Variants in ZNF804B observed in about 807,000 individuals in gnomAD.
ZNF804B encodes zinc finger protein 804B.
In ZNF804B, 80 loss-of-function variants were observed where a neutral mutation model predicts 101.4. The observed-to-expected ratio is 0.79, with a 90% CI of 0.66 to 0.95. The LOEUF (loss-of-function observed/expected upper bound fraction) is 0.95, where lower values mean the gene tolerates loss of function less well. Ranked by LOEUF, ZNF804B falls within the 40% of genes least tolerant of loss-of-function variation. The probability of loss-of-function intolerance (pLI) is 0.00; values close to 1 mark genes in which losing one functional copy is unlikely to be tolerated. For missense variants in ZNF804B, 1,673 were observed against 1,561.9 expected, an observed-to-expected ratio of 1.07 and a Z score of -1.20; for synonymous variants, 622 against 558.8, an observed-to-expected ratio of 1.11 and a Z score of -1.59.
chr7:89,043,405 A>G (rs1244481897), intron 1 of ZNF804B, among the ~76,000 whole-genome samples: 1 of 152,184 alleles, frequency 6.6e-6, no homozygotes, highest in Admixed American at 6.5e-5. Flanking sequence ...ATTGTCTCAA[A>G]TTTTTCAAAA....
At chr7:89,315,378 G>T (rs949833738) in intron 2 of ZNF804B, among the ~76,000 whole-genome samples, 1 of 152,048 alleles carries the variant, frequency 6.6e-6, no homozygotes, top group Non-Finnish European at 1.5e-5. Context: ...GTAAGCAAGT[G>T]ATTATTGTTC....
At chr7:88,760,150 G>T in intron 1 of ZNF804B, 66 bp downstream of exon 1, 1 of 1,324,706 alleles carries the variant, frequency 7.5e-7, no homozygotes, top group Non-Finnish European at 1.1e-6. Context: ...AAAAGATATT[G>T]AGAGATAGTA....
intron 2 of ZNF804B, among the ~76,000 whole-genome samples, chr7:89,291,703 T>C (rs1271464563): frequency 2.0e-5 from 3 of 152,056 alleles, no homozygotes; most frequent in African/African-American, 4.8e-5. Context: ...GGGATTAGGG[T>C]AGAAAGTTTA....
At chr7:89,061,219 A>G (rs1226945788) in intron 1 of ZNF804B, among the ~76,000 whole-genome samples, 2 of 152,148 alleles carry the variant, frequency 1.3e-5, no homozygotes, top group Non-Finnish European at 2.9e-5. Context: ...TTGTGTTTGC[A>G]TATTATTCTC....
chr7:88,993,418 CA>C (rs1361689863), intron 1 of ZNF804B, among the ~76,000 whole-genome samples: 1 of 151,692 alleles, frequency 6.6e-6, no homozygotes, highest in Non-Finnish European at 1.5e-5. Flanking sequence ...CATTTGATGA[CA>C]AAAAACTTAT....
chr7:89,243,646 G>A (rs1024358403), intron 2 of ZNF804B, among the ~76,000 whole-genome samples: 16 of 151,854 alleles, frequency 1.1e-4, no homozygotes, highest in African/African-American at 3.1e-4. Flanking sequence ...ATTATTTAAG[G>A]AAACATAAAC....
chr7:89,081,600 C>T (rs1314431309), intron 1 of ZNF804B, among the ~76,000 whole-genome samples: 3 of 151,754 alleles, frequency 2.0e-5, no homozygotes, highest in Non-Finnish European at 4.4e-5. Flanking sequence ...AGGTCATCAA[C>T]ATTTAAGCAA....
chr7:89,170,491 A>G (rs754084259), intron 1 of ZNF804B, among the ~76,000 whole-genome samples: 3 of 152,196 alleles, frequency 2.0e-5, no homozygotes, highest in African/African-American at 2.4e-5. Flanking sequence ...TTTAGTTTAT[A>G]TCTGGAGTGA....
chr7:89,274,575 T>C (rs1221733323), intron 2 of ZNF804B, among the ~76,000 whole-genome samples: 2 of 151,518 alleles, frequency 1.3e-5, no homozygotes, highest in African/African-American at 4.9e-5. Flanking sequence ...ACTGGTGACA[T>C]TTTTCCTATT....
chr7:89,152,336 T>G (rs1790891241), intron 1 of ZNF804B, among the ~76,000 whole-genome samples: 1 of 151,820 alleles, frequency 6.6e-6, no homozygotes, highest in African/African-American at 2.4e-5. Flanking sequence ...TTTGCAAAAA[T>G]TTTCTTCTTA....
intron 1 of ZNF804B, among the ~76,000 whole-genome samples, chr7:89,057,469 T>C (rs1288684315): frequency 2.0e-5 from 3 of 151,438 alleles, no homozygotes; most frequent in Admixed American, 6.6e-5. Flanking sequence ...TACAGTTCCT[T>C]GAAGGACTAG....
At chr7:88,920,855 T>C (rs1792709099) in intron 1 of ZNF804B, among the ~76,000 whole-genome samples, 1 of 152,066 alleles carries the variant, frequency 6.6e-6, no homozygotes, top group Non-Finnish European at 1.5e-5. Flanking sequence ...ATATCATCCC[T>C]ATCGGCAGAG....
intron 1 of ZNF804B, among the ~76,000 whole-genome samples, chr7:89,049,054 C>T (rs1441922791): frequency 5.3e-5 from 8 of 151,760 alleles, no homozygotes; most frequent in Non-Finnish European, 1.2e-4. Flanking sequence ...TTTTCCCAAA[C>T]GCATTTGCTT....
intron 1 of ZNF804B, among the ~76,000 whole-genome samples, chr7:88,777,799 G>A: frequency 7.5e-6 from 1 of 133,460 alleles, no homozygotes; most frequent in Non-Finnish European, 1.5e-5. Context: ...AGTGAGCCGA[G>A]ATCACACCAC....
At chr7:88,891,481 T>A (rs1016773046) in intron 1 of ZNF804B, among the ~76,000 whole-genome samples, 2 of 152,136 alleles carry the variant, frequency 1.3e-5, no homozygotes, top group East Asian at 3.8e-4. Context: ...TATTAGACTA[T>A]CATGTAATTC....
intron 1 of ZNF804B, among the ~76,000 whole-genome samples, chr7:88,877,006 A>AAAAAAATATATATAT (rs1171913711): frequency 1.2e-5 from 1 of 84,298 alleles, no homozygotes; most frequent in East Asian, 3.7e-4. Context: ...TTGAAAAAAA[A>AAAAAAATATATATAT]AATATATATA....
At chr7:89,127,315 T>C (rs1292139657) in intron 1 of ZNF804B, among the ~76,000 whole-genome samples, 3 of 151,924 alleles carry the variant, frequency 2.0e-5, no homozygotes, top group Admixed American at 6.6e-5. Flanking sequence ...TTGGTCTGTT[T>C]TTCAACTATT....
intron 2 of ZNF804B, among the ~76,000 whole-genome samples, chr7:89,321,432 T>C (rs1199420628): frequency 6.6e-6 from 1 of 152,084 alleles, no homozygotes; most frequent in African/African-American, 2.4e-5. Flanking sequence ...TGAGCTGAGA[T>C]TGCACCACTG....
At chr7:89,008,799 G>A (rs1788409838) in intron 1 of ZNF804B, among the ~76,000 whole-genome samples, 1 of 152,148 alleles carries the variant, frequency 6.6e-6, no homozygotes, top group African/African-American at 2.4e-5. Context: ...TCACTTTCAA[G>A]TAGACCCTTA....
Sources: allele counts gnomAD v4.1 joint callset (sites outside exome capture counted in the v4.1 genomes callset), GRCh38; gene constraint gnomAD v4.1.1; transcripts MANE v1.5; gene names NCBI Gene and HGNC (gene_info 2026-07-23, HGNC 2026-07-21).